The following RBMS3 variants were observed in gnomAD, a reference collection of about 807,000 sequenced individuals.
RBMS3 encodes RNA binding motif single stranded interacting protein 3.
RBMS3 carries 27 observed loss-of-function variants against 66.8 expected under a neutral mutation model. The observed-to-expected ratio is 0.40, with a 90% CI of 0.30 to 0.56. The LOEUF is 0.56. RBMS3 is among the 20% of genes least tolerant of loss of function. RBMS3 has a pLI of 0.40. For missense variants in RBMS3, 513 were observed against 549.5 expected (o/e 0.93, Z 0.66); for synonymous variants, 188 against 183.0 (o/e 1.03, Z -0.22).
chr3:29,793,680 A>C (rs2057088161), intron 6 of RBMS3, among the ~76,000 whole-genome samples: 1 of 152,242 alleles, frequency 6.6e-6, no homozygotes, highest in African/African-American at 2.4e-5. Context: ...TCAGATGAGA[A>C]TCATGTGCAC....
At chr3:29,982,306 T>C (rs529974864) in intron 12 of RBMS3, among the ~76,000 whole-genome samples, 1 of 152,298 alleles carries the variant, frequency 6.6e-6, no homozygotes, top group African/African-American at 2.4e-5. Flanking sequence ...TATATGATTC[T>C]TCTCTGTTTT....
chr3:29,940,702 C>T (rs1033284828), intron 11 of RBMS3, among the ~76,000 whole-genome samples: 3 of 151,640 alleles, frequency 2.0e-5, no homozygotes, highest in Admixed American at 6.6e-5. Flanking sequence ...CAATTTGCCA[C>T]CTCAAATGTT....
intron 4 of RBMS3, among the ~76,000 whole-genome samples, chr3:29,652,884 T>C (rs2050193888): frequency 6.6e-6 from 1 of 152,168 alleles, no homozygotes; most frequent in Non-Finnish European, 1.5e-5. Flanking sequence ...GTTCAAAGTC[T>C]CTTTCAATTT....
chr3:29,477,940 A>AT (rs772347871), intron 2 of RBMS3, among the ~76,000 whole-genome samples: 10 of 151,686 alleles, frequency 6.6e-5, no homozygotes, highest in Middle Eastern at 6.8e-3. Context: ...TAAGTTTTGT[A>AT]TTTTTTTCTG....
chr3:29,653,858 C>G (rs550096347), intron 4 of RBMS3, among the ~76,000 whole-genome samples: 2 of 152,210 alleles, frequency 1.3e-5, no homozygotes, highest in Non-Finnish European at 1.5e-5. Flanking sequence ...TGAGGAAGAT[C>G]TAATGTTTTC....
chr3:29,782,662 A>G (rs2056678681), intron 6 of RBMS3, among the ~76,000 whole-genome samples: 1 of 152,214 alleles, frequency 6.6e-6, no homozygotes, highest in Admixed American at 6.5e-5. Flanking sequence ...TTCACCAGCA[A>G]TGAATCCAAA....
intron 1 of RBMS3, among the ~76,000 whole-genome samples, chr3:29,402,549 A>G (rs1383760927): frequency 1.3e-5 from 2 of 152,052 alleles, no homozygotes; most frequent in Non-Finnish European, 2.9e-5. Context: ...ATTTTCTAAT[A>G]ATGATGGCAA....
At chr3:29,852,910 AAAT>A (rs1193728654) in intron 6 of RBMS3, among the ~76,000 whole-genome samples, 3 of 152,358 alleles carry the variant, frequency 2.0e-5, no homozygotes, top group Admixed American at 6.5e-5. Flanking sequence ...GAATCAACCT[AAAT>A]GCCCATCAAT....
At chr3:29,939,666 G>C (rs1218102388) in intron 11 of RBMS3, among the ~76,000 whole-genome samples, 2 of 151,760 alleles carry the variant, frequency 1.3e-5, no homozygotes, top group Admixed American at 1.3e-4. Context: ...GACCTCTCTG[G>C]CCATTCCTTC....
At chr3:29,857,379 A>T (rs1290775454) in intron 6 of RBMS3, among the ~76,000 whole-genome samples, 1 of 82,788 alleles carries the variant, frequency 1.2e-5, no homozygotes, top group African/African-American at 4.6e-5. Context: ...CCCCACCCCC[A>T]CCCCCACGGG....
intron 6 of RBMS3, among the ~76,000 whole-genome samples, chr3:29,782,370 C>G (rs1401099098): frequency 5.3e-5 from 8 of 152,202 alleles, no homozygotes; most frequent in Non-Finnish European, 1.0e-4. Flanking sequence ...TTTGCAGACA[C>G]TCCCCAGTAC....
At chr3:29,923,747 T>A (rs2060856230) in intron 10 of RBMS3, among the ~76,000 whole-genome samples, 1 of 152,044 alleles carries the variant, frequency 6.6e-6, no homozygotes, top group Admixed American at 6.5e-5. Context: ...TATATTTGCA[T>A]CCCCATGTTT....
chr3:29,288,374 C>A (rs1371814359), intron 1 of RBMS3, among the ~76,000 whole-genome samples: 1 of 152,000 alleles, frequency 6.6e-6, no homozygotes, highest in Non-Finnish European at 1.5e-5. Flanking sequence ...ACATCTAAAT[C>A]CAGTGCACTG....
At chr3:29,692,232 T>G (rs2052057745) in intron 4 of RBMS3, among the ~76,000 whole-genome samples, 1 of 152,036 alleles carries the variant, frequency 6.6e-6, no homozygotes, top group Non-Finnish European at 1.5e-5. Flanking sequence ...TCCACCTGCC[T>G]TGGCCTCCCA....
chr3:29,708,399 A>G (rs2053006515), intron 4 of RBMS3, among the ~76,000 whole-genome samples: 1 of 152,232 alleles, frequency 6.6e-6, no homozygotes, highest in South Asian at 2.1e-4. Context: ...AATGTAGGCA[A>G]GAAAATTAAG....
At chr3:29,630,846 C>T (rs1419311214) in intron 4 of RBMS3, among the ~76,000 whole-genome samples, 1 of 151,780 alleles carries the variant, frequency 6.6e-6, no homozygotes, top group East Asian at 1.9e-4. Context: ...CATTTTAGAC[C>T]AAGTTAGCAT....
chr3:29,850,364 A>G (rs1425554620), intron 6 of RBMS3, among the ~76,000 whole-genome samples: 1 of 152,202 alleles, frequency 6.6e-6, no homozygotes, highest in South Asian at 2.1e-4. Flanking sequence ...TATTGAGGTT[A>G]CATAACCTTC....
intron 1 of RBMS3, among the ~76,000 whole-genome samples, chr3:29,298,330 TTTC>T (rs1208147458): frequency 6.6e-6 from 1 of 151,944 alleles, no homozygotes; most frequent in African/African-American, 2.4e-5. Flanking sequence ...CCACTTCATC[TTTC>T]TTCTGCCCTC....
At chr3:29,654,207 T>C (rs914523830) in intron 4 of RBMS3, among the ~76,000 whole-genome samples, 4 of 152,182 alleles carry the variant, frequency 2.6e-5, no homozygotes, top group African/African-American at 4.8e-5. Flanking sequence ...AATTCCTATT[T>C]AGACAGTTTT....
Sources: allele counts gnomAD v4.1 joint callset (sites outside exome capture counted in the v4.1 genomes callset), GRCh38; gene constraint gnomAD v4.1.1; transcripts MANE v1.5; gene names NCBI Gene and HGNC (gene_info 2026-07-23, HGNC 2026-07-21).